Variants in ASIC5 observed in about 807,000 individuals in gnomAD.
ASIC5 encodes acid sensing ion channel subunit family member 5.
ASIC5 carries 52 observed loss-of-function variants against 51.2 expected under a neutral mutation model. The ratio of observed to expected loss-of-function variants is 1.02; its 90% confidence interval spans 0.81 to 1.28. The LOEUF (loss-of-function observed/expected upper bound fraction) is 1.28. Ranked by LOEUF, ASIC5 falls within the 50% of genes most tolerant of loss-of-function variation. The pLI, the probability that ASIC5 is intolerant of heterozygous loss-of-function variation, is 0.00. For missense variants in ASIC5, 635 were observed against 595.0 expected (o/e 1.07, Z -0.70); for synonymous variants, 231 against 200.7 (o/e 1.15, Z -1.28).
At chr4:155,863,860 T>TAAA in intron 1 of ASIC5, 106 bp from the exon 2 acceptor site, 4 of 892,810 alleles carry the variant, frequency 4.5e-6, no homozygotes, top group Non-Finnish European at 6.7e-6. Context: ...GGTGACTCTT[T>TAAA]TTACTTGTAA....
Position 155,854,160 on chromosome 4 carries a change from C to A in ASIC5, c.502G>T (p.Glu168Ter), listed in dbSNP as rs774391407. 2 of 1,613,292 alleles carry A rather than the reference C, an allele frequency of 1.2e-6. No individual in the cohort carries two copies. Among genetic ancestry groups the A allele is most frequent in the African/African-American group, 2.7e-5 (2 of 74,856 alleles). Residue 168 changes from glutamate to a stop codon, truncating the protein, a stop_gained, in exon 3 of 10, where the codon GAA becomes TAA. Coordinates refer to ENST00000537611, the MANE Select transcript of ASIC5 (RefSeq NM_017419.3). LOFTEE classifies it high-confidence loss of function. The stretch of plus-strand genomic sequence containing the variant: ...TAAAAACCTTTGTTCCTGATAAATT[C>A]CACAATGCTGAAGTTTTGGTGACTT... ...AASHQNFSIV[E>*]FIRNKGFYLN...
rs1054579722 is a variant in ASIC5 at position 155,835,420 on chromosome 4, A to G, written c.1235+1269T>C. On this transcript the variant is annotated intron_variant, in intron 8 of 9. Transcript: ENST00000537611. ...GAATAATCTGAGTTTTGGAAAAAAA[A>G]AAAAAAAGAAAAAAAAACAGCATTC... Among the ~76,000 whole-genome samples, 78 of 151,988 alleles carry G rather than the reference A, an allele frequency of 5.1e-4. 1 individual carries two copies. The highest frequency in any genetic ancestry group is 1.8e-3 in the African/African-American group (76 of 41,516).
intron 2 of ASIC5, among the ~76,000 whole-genome samples, chr4:155,859,632 T>C (rs1472180060): frequency 1.3e-5 from 2 of 152,094 alleles, no homozygotes; most frequent in African/African-American, 2.4e-5. Context: ...TGTTAAGCTT[T>C]ACTTTTTTTT....
rs762133295 is a variant in ASIC5 at position 155,831,846 on chromosome 4, C to T, written c.1305G>A (p.Ala435=). 2.4e-5 allele frequency: 38 copies of T among 1,604,494 alleles called. No homozygotes were observed. The East Asian group carries it at 4.7e-4, about 20-fold the overall frequency. The change falls in exon 9 of 10, where the codon GCG becomes GCA. Residue 435 remains alanine (A), a synonymous_variant. Transcript: ENST00000537611. ...LNYKITQQQK[A]VSVSELLADL... ...TACCAAGTAACTCAGACACACTCAC[C>T]GCCTTTTGCTGCTGGGTTATCTTAT... is the stretch of plus-strand genomic sequence containing the variant.
chr4:155,851,301 C>T (rs747239567), intron 4 of ASIC5, among the ~76,000 whole-genome samples: 2 of 151,890 alleles, frequency 1.3e-5, no homozygotes, highest in African/African-American at 2.4e-5. Flanking sequence ...TATGTTTGGA[C>T]GTAAAGAAAA....
At chr4:155,833,566 C>T (rs928496683) in intron 8 of ASIC5, among the ~76,000 whole-genome samples, 1 of 152,130 alleles carries the variant, frequency 6.6e-6, no homozygotes, top group Admixed American at 6.5e-5. Flanking sequence ...AATGATAAAA[C>T]AGTTCCCAAA....
intron 9 of ASIC5, among the ~76,000 whole-genome samples, chr4:155,831,218 T>C (rs1449960443): frequency 6.6e-6 from 1 of 152,294 alleles, no homozygotes; most frequent in East Asian, 1.9e-4. Flanking sequence ...TACCCAGGTG[T>C]AGCATTGCTG....
intron 1 of ASIC5, among the ~76,000 whole-genome samples, chr4:155,865,611 T>A (rs2110785589): frequency 6.6e-6 from 1 of 152,268 alleles, no homozygotes; most frequent in African/African-American, 2.4e-5. Context: ...CCATTTAATA[T>A]ACATCTAATC....
chr4:155,852,341 A>T, intron 3 of ASIC5, 25 bp from the exon 4 acceptor site: 1 of 1,568,452 alleles, frequency 6.4e-7, no homozygotes, highest in East Asian at 2.3e-5. Flanking sequence ...TGAACCAAAA[A>T]AAACCATCAA....
intron 2 of ASIC5, 134 bp downstream of exon 2, chr4:155,863,314 A>C (rs754466875): frequency 1.7e-4 from 117 of 683,144 alleles, no homozygotes; most frequent in Non-Finnish European, 2.5e-4. Context: ...TTTTGAGTGC[A>C]ATTTAAGTGC....
intron 6 of ASIC5, among the ~76,000 whole-genome samples, chr4:155,841,524 T>C (rs1741120856): frequency 6.6e-6 from 1 of 152,168 alleles, no homozygotes; most frequent in African/African-American, 2.4e-5. Context: ...TTATTCACCC[T>C]GCTCCATTGC....
At chr4:155,858,693 A>G (rs1252074621) in intron 2 of ASIC5, among the ~76,000 whole-genome samples, 1 of 152,080 alleles carries the variant, frequency 6.6e-6, no homozygotes, top group African/African-American at 2.4e-5. Context: ...GGAAAGAACA[A>G]AAAGGGGAGG....
rs567365669 is a variant in ASIC5, at chr4:155,857,135, A to AT, written c.348-2822dup. Reference sequence around the variant, plus strand: ...CTGAGTTTATTTTCAATTTTATTTTATTTTTTGAGACAGAGTCTCAATTTG... The same window carrying AT: ...CTGAGTTTATTTTCAATTTTATTTTATTTTTTTGAGACAGAGTCTCAATTTG... On this transcript the variant is annotated intron_variant, in intron 2 of 9. Coordinates refer to ENST00000537611, the MANE Select transcript of ASIC5 (RefSeq NM_017419.3). 1.6e-3 allele frequency among the ~76,000 whole-genome samples: 241 copies of AT among 152,032 alleles called. 1 individual carries two copies. The highest frequency in any genetic ancestry group is 4.5e-3 in the African/African-American group (187 of 41,504).
chr4:155,855,148 A>G (rs1741498464), intron 2 of ASIC5, among the ~76,000 whole-genome samples: 1 of 152,036 alleles, frequency 6.6e-6, no homozygotes, highest in Admixed American at 6.6e-5. Context: ...TTCTCCAGTT[A>G]GGTTCTAATT....
At chr4:155,837,048 T>C (rs1307876709) in intron 7 of ASIC5, among the ~76,000 whole-genome samples, 191 bp from the exon 8 acceptor site, 1 of 152,178 alleles carries the variant, frequency 6.6e-6, no homozygotes, top group Non-Finnish European at 1.5e-5. Flanking sequence ...GGCCTGGAAG[T>C]TCCAATCTTT....
intron 8 of ASIC5, among the ~76,000 whole-genome samples, chr4:155,835,481 T>C (rs1157052650): frequency 3.3e-5 from 5 of 152,158 alleles, no homozygotes; most frequent in Admixed American, 6.5e-5. Flanking sequence ...GGCTTTCTTT[T>C]CTGATTCACC....
chr4:155,858,453 C>A (rs967202117), intron 2 of ASIC5, among the ~76,000 whole-genome samples: 1 of 151,956 alleles, frequency 6.6e-6, no homozygotes, highest in Non-Finnish European at 1.5e-5. Flanking sequence ...GACAAATATT[C>A]ATAAAGAGGC....
At chr4:155,853,346 G>T (rs1741429503) in intron 3 of ASIC5, among the ~76,000 whole-genome samples, 1 of 151,878 alleles carries the variant, frequency 6.6e-6, no homozygotes, top group South Asian at 2.1e-4. Context: ...CAAAGAATTT[G>T]TGTTTACTTA....
At chr4:155,849,825 G>T (rs1014533033) in intron 4 of ASIC5, among the ~76,000 whole-genome samples, 10 of 152,034 alleles carry the variant, frequency 6.6e-5, no homozygotes, top group Non-Finnish European at 1.0e-4. Context: ...GAAAGTAACT[G>T]CAGCCTATTT....
Sources: allele counts gnomAD v4.1 joint callset (sites outside exome capture counted in the v4.1 genomes callset), GRCh38; gene constraint gnomAD v4.1.1; transcripts MANE v1.5; gene names NCBI Gene and HGNC (gene_info 2026-07-23, HGNC 2026-07-21).